ZC3H12C: variants seen among roughly 807,000 people sequenced by gnomAD.
The protein encoded by ZC3H12C is zinc finger CCCH-type containing 12C.
Under a neutral mutation model 76.3 loss-of-function variants are expected in ZC3H12C, and 20 were observed. The observed-to-expected ratio is 0.26, with a 90% confidence interval of 0.18 to 0.38. The LOEUF (loss-of-function observed/expected upper bound fraction) is 0.38. Among genes scored for constraint, ZC3H12C ranks in the 10% least tolerant of loss-of-function variants. The probability of loss-of-function intolerance (pLI) is 1.00; values close to 1 mark genes in which losing one functional copy is unlikely to be tolerated. For missense variants in ZC3H12C, 874 were observed against 1,086.5 expected, an observed-to-expected ratio of 0.80 and a Z score of 2.75; for synonymous variants, 352 against 399.6, an observed-to-expected ratio of 0.88 and a Z score of 1.42.
At position 110,171,176 on chromosome 11, in the gene ZC3H12C, G is replaced by C. The variant is rs552111270; in HGVS notation, c.*5439G>C. The C allele has an allele frequency of 1.3e-5, 2 of 152,294 alleles. No homozygotes were observed. Among genetic ancestry groups the C allele is most frequent in the South Asian group, 2.1e-4 (1 of 4,826 alleles). The allele number at this position is 152,294 out of a possible 1,614,324, so 9.4% of individuals were successfully genotyped here. ...GCAGCGTATGTTCCAAGGGAAAAAG[G>C]CATTGAAAAGCAATCGTTTGTTTTT... On this transcript the variant is annotated 3_prime_UTR_variant, in exon 6 of 6. Coordinates refer to ENST00000278590, the MANE Select transcript of ZC3H12C (RefSeq NM_033390.2).
chr11:110,122,528 A>G (rs1861669372), intron 1 of ZC3H12C, among the ~76,000 whole-genome samples: 1 of 152,204 alleles, frequency 6.6e-6, no homozygotes, highest in African/African-American at 2.4e-5. Context: ...GCATACATAT[A>G]TATACAAATG....
chr11:110,136,797 A>G lies in ZC3H12C; in HGVS notation c.156A>G (p.Pro52=). ...LGHLYVESTD[P]QLSPAVPWST... ...ACCTTTATGTGGAGAGCACTGACCCACAGTTAAGTCCAGCTGTACCTTGGT... is the reference window on the plus strand; with the variant it reads ...ACCTTTATGTGGAGAGCACTGACCCGCAGTTAAGTCCAGCTGTACCTTGGT... Residue 52 remains proline (P), a synonymous_variant, in exon 2 of 6, where the codon CCA becomes CCG. Coordinates refer to ENST00000278590, the MANE Select transcript of ZC3H12C (RefSeq NM_033390.2). 1 of 1,613,960 alleles carries G rather than the reference A, an allele frequency of 6.2e-7. No individual in the cohort carries two copies. The highest frequency in any genetic ancestry group is 8.5e-7 in the Non-Finnish European group (1 of 1,179,866).
chr11:110,158,372 T>A (rs909651570), intron 3 of ZC3H12C, among the ~76,000 whole-genome samples: 7 of 151,952 alleles, frequency 4.6e-5, no homozygotes, highest in African/African-American at 1.7e-4. Context: ...TAGCCAGGCG[T>A]GGTGACAGGC....
At chr11:110,152,012 C>A (rs764532652) in intron 2 of ZC3H12C, among the ~76,000 whole-genome samples, 6 of 152,166 alleles carry the variant, frequency 3.9e-5, no homozygotes, top group African/African-American at 7.2e-5. Context: ...AGCCCTCCTT[C>A]ATCCTAAGAA....
chr11:110,161,636 C>T (rs1862483967), intron 4 of ZC3H12C, among the ~76,000 whole-genome samples: 1 of 152,014 alleles, frequency 6.6e-6, no homozygotes, highest in Non-Finnish European at 1.5e-5. Flanking sequence ...ACAGAAGCCT[C>T]AAGAATATTG....
chr11:110,098,369 A>G (rs939176702), intron 1 of ZC3H12C, among the ~76,000 whole-genome samples: 4 of 152,252 alleles, frequency 2.6e-5, no homozygotes, highest in African/African-American at 9.6e-5. Flanking sequence ...ACAGTCCAAA[A>G]GTTAAAAAAT....
intron 1 of ZC3H12C, among the ~76,000 whole-genome samples, chr11:110,105,868 T>G (rs1270952432): frequency 6.6e-6 from 1 of 152,218 alleles, no homozygotes; most frequent in Non-Finnish European, 1.5e-5. Flanking sequence ...TGTCACCAGT[T>G]TTTTAATTGT....
chr11:110,120,193 A>T (rs188318780), intron 1 of ZC3H12C, among the ~76,000 whole-genome samples: 1 of 152,280 alleles, frequency 6.6e-6, no homozygotes, highest in East Asian at 1.9e-4. Context: ...GCTAAGGGAA[A>T]TGGTCTCTGG....
In ZC3H12C at chr11:110,117,940, ATATT is replaced by A. The variant is rs1270920919; in HGVS notation, c.22-18722_22-18719del. Among the ~76,000 whole-genome samples the A allele has an allele frequency of 8.0e-5, 10 of 125,520 alleles. 2 individuals are homozygous for A. Among genetic ancestry groups the A allele is most frequent in the South Asian group, 2.3e-4 (1 of 4,316 alleles). The allele number at this position is 125,520 out of a possible 152,430, so 82.3% of individuals were successfully genotyped here. A position where few individuals can be genotyped will look rare whatever the true frequency, so the allele number is the denominator to read the frequency against. On this transcript the variant is annotated intron_variant, in intron 1 of 5. Coordinates refer to ENST00000278590, the MANE Select transcript of ZC3H12C (RefSeq NM_033390.2). ...TATATATATACACACACACATATAT[ATATT>A]ATATATACACACACATATATACACA...
intron 2 of ZC3H12C, among the ~76,000 whole-genome samples, chr11:110,141,960 C>T (rs186675934): frequency 6.6e-6 from 1 of 152,244 alleles, no homozygotes; most frequent in East Asian, 1.9e-4. Flanking sequence ...TGAATAGCCT[C>T]TCAGTAGACT....
At chr11:110,125,315 GT>G (rs1861722468) in intron 1 of ZC3H12C, among the ~76,000 whole-genome samples, 11 of 109,772 alleles carry the variant, frequency 1.0e-4, no homozygotes, top group Non-Finnish European at 1.9e-4. Context: ...GTGTGTGTGT[GT>G]GTGTGGTTTT....
chr11:110,117,649 T>C (rs1183578198), intron 1 of ZC3H12C, among the ~76,000 whole-genome samples: 3 of 145,330 alleles, frequency 2.1e-5, no homozygotes, highest in Non-Finnish European at 3.0e-5. Flanking sequence ...TATATATATA[T>C]ATACACACAC....
At position 110,170,739 on chromosome 11, in the gene ZC3H12C, A is replaced by G. The variant is rs1425886278; in HGVS notation, c.*5002A>G. Reference sequence around the variant, plus strand: ...AGTGCTTTATACCGGGTGTTGCATCAGTAATCATTTTCATAAGAACATTTA... The same window carrying G: ...AGTGCTTTATACCGGGTGTTGCATCGGTAATCATTTTCATAAGAACATTTA... On this transcript the variant is annotated 3_prime_UTR_variant, in exon 6 of 6. Transcript: ENST00000278590. 1 of 152,238 alleles carries G rather than the reference A, an allele frequency of 6.6e-6. No individual in the cohort carries two copies. The highest frequency in any genetic ancestry group is 2.4e-5 in the African/African-American group (1 of 41,472). The allele number at this position is 152,238 out of a possible 1,614,324, so 9.4% of individuals were successfully genotyped here.
rs1175153437 is a variant in ZC3H12C, at chr11:110,106,267, C to CAAAA, written c.21+12840_21+12843dup. Among the ~76,000 whole-genome samples, 17 of 13,934 alleles carry CAAAA rather than the reference C, an allele frequency of 1.2e-3. 8 individuals carry two copies. The highest frequency in any genetic ancestry group is 4.7e-3 in the Admixed American group (5 of 1,068). The allele number at this position is 13,934 out of a possible 152,430, so 9.1% of individuals were successfully genotyped here. A position where few individuals can be genotyped will look rare whatever the true frequency, so the allele number is the denominator to read the frequency against. Reference sequence around the variant, plus strand: ...TGGGCGACAGAGCGAGACTCCGTCTCAAAAAAAATAAATAAATAAATAAAT... The same window carrying CAAAA: ...TGGGCGACAGAGCGAGACTCCGTCTCAAAAAAAAAAAATAAATAAATAAATAAAT... On this transcript the variant is annotated intron_variant, in intron 1 of 5. Coordinates refer to ENST00000278590, the MANE Select transcript of ZC3H12C (RefSeq NM_033390.2).
At position 110,165,294 on chromosome 11, in the gene ZC3H12C, C is replaced by T. The variant is rs780663315; in HGVS notation, c.2209C>T (p.Pro737Ser). Residue 737 changes from proline to serine, a missense_variant, in exon 6 of 6, where the codon CCA (proline) becomes TCA (serine). Pro to Ser is a moderately conservative substitution (Grantham distance 74). Transcript: ENST00000278590. ...SPPSSAHSKA[P>S]HLGRSLVATR... is the part of the protein sequence containing the mutation. ...TCCAAGTTCAGCACACTCTAAGGCA[C>T]CACACCTAGGGAGGTCCTTGGTGGC... 5.0e-6 allele frequency: 8 copies of T among 1,613,894 alleles called. No homozygotes were observed. Among genetic ancestry groups the T allele is most frequent in the Non-Finnish European group, 5.9e-6 (7 of 1,179,894 alleles).
In ZC3H12C at chr11:110,099,318, T is replaced by C. The variant is rs143934463; in HGVS notation, c.21+5886T>C. ...GCTTTTCAGAAAAGTTATATTGATA[T>C]GTATAACCATTAACATAGAGTCAGA... On this transcript the variant is annotated intron_variant, in intron 1 of 5. Coordinates refer to ENST00000278590, the MANE Select transcript of ZC3H12C (RefSeq NM_033390.2). Among the ~76,000 whole-genome samples the C allele has an allele frequency of 6.7e-4, 102 of 152,340 alleles. No homozygotes were observed. The Middle Eastern group carries it at 0.01, about 15-fold the overall frequency.
rs1021000375 is a variant in ZC3H12C, at chr11:110,149,788, T to C, written c.774-3131T>C. On this transcript the variant is annotated intron_variant, in intron 2 of 5. Transcript: ENST00000278590. ...TATGTTCTGAGTACTAACCTTCTGA[T>C]TGGTATTATATGTTGCAAATCTCCT... Among the ~76,000 whole-genome samples, 28 of 152,314 alleles carry C rather than the reference T, an allele frequency of 1.8e-4. 1 individual carries two copies. The highest frequency in any genetic ancestry group is 6.5e-4 in the African/African-American group (27 of 41,580).
At chr11:110,109,640 T>C (rs1269917126) in intron 1 of ZC3H12C, among the ~76,000 whole-genome samples, 3 of 152,214 alleles carry the variant, frequency 2.0e-5, no homozygotes, top group Admixed American at 2.0e-4. Context: ...ATTTGGTTTG[T>C]CTGCTCATTT....
At chr11:110,127,932 T>C (rs1210308826) in intron 1 of ZC3H12C, among the ~76,000 whole-genome samples, 1 of 148,900 alleles carries the variant, frequency 6.7e-6, no homozygotes, top group Non-Finnish European at 1.5e-5. Flanking sequence ...TTAAAGAGAG[T>C]GGTCCCAGGA....
Sources: allele counts gnomAD v4.1 joint callset (sites outside exome capture counted in the v4.1 genomes callset), GRCh38; gene constraint gnomAD v4.1.1; transcripts MANE v1.5; gene names NCBI Gene and HGNC (gene_info 2026-07-23, HGNC 2026-07-21).